The following SORCS1 variants were observed in gnomAD, a reference collection of about 807,000 sequenced individuals.
The protein encoded by SORCS1 is VPS10 domain-containing receptor SorCS1.
SORCS1 carries 60 observed loss-of-function variants against 146.1 expected under a neutral mutation model. The ratio of observed to expected loss-of-function variants is 0.41; its 90% CI spans 0.33 to 0.51. SORCS1 has a LOEUF of 0.51. Ranked by LOEUF, SORCS1 falls within the 20% of genes least tolerant of loss-of-function variation. SORCS1 has a pLI of 0.21. For synonymous variants in SORCS1, 637 were observed against 584.0 expected (o/e 1.09, Z -1.31); for missense variants, 1,352 against 1,487.6 (o/e 0.91, Z 1.50).
At chr10:106,602,968 C>A (rs1161330927) in intron 23 of SORCS1, among the ~76,000 whole-genome samples, 1 of 152,150 alleles carries the variant, frequency 6.6e-6, no homozygotes, top group African/African-American at 2.4e-5. Flanking sequence ...CATCTGCCAA[C>A]CGTGTAGAGT....
chr10:106,581,137 G>A (rs1036849417), intron 24 of SORCS1, among the ~76,000 whole-genome samples: 1 of 152,138 alleles, frequency 6.6e-6, no homozygotes, highest in Non-Finnish European at 1.5e-5. Flanking sequence ...ATGTCATCAG[G>A]GGAAGAGAAC....
chr10:107,102,905 G>A (rs943579657), intron 1 of SORCS1, among the ~76,000 whole-genome samples: 3 of 152,048 alleles, frequency 2.0e-5, no homozygotes, highest in African/African-American at 4.8e-5. Context: ...CCCTACTGAG[G>A]AGTCACAAAA....
intron 1 of SORCS1, among the ~76,000 whole-genome samples, chr10:106,992,292 G>A (rs1017204401): frequency 6.6e-6 from 1 of 152,126 alleles, no homozygotes; most frequent in Non-Finnish European, 1.5e-5. Flanking sequence ...TGAGAATGAG[G>A]AAGTGGAGTG....
At chr10:106,599,403 G>A (rs1163585433) in intron 23 of SORCS1, among the ~76,000 whole-genome samples, 1 of 151,460 alleles carries the variant, frequency 6.6e-6, no homozygotes, top group African/African-American at 2.4e-5. Context: ...GGAGAAGGAA[G>A]GGGAGGGGAA....
intron 1 of SORCS1, among the ~76,000 whole-genome samples, chr10:107,062,746 C>T (rs567557511): frequency 5.3e-5 from 8 of 152,262 alleles, no homozygotes; most frequent in South Asian, 2.1e-4. Context: ...TTTCCTCTTA[C>T]GTCAGTATCT....
chr10:106,946,144 A>T (rs1053755144), intron 2 of SORCS1, among the ~76,000 whole-genome samples: 1 of 152,248 alleles, frequency 6.6e-6, no homozygotes, highest in African/African-American at 2.4e-5. Flanking sequence ...TTAAAAATTT[A>T]GGATAGAAAC....
At chr10:107,043,578 C>T (rs1033498787) in intron 1 of SORCS1, among the ~76,000 whole-genome samples, 1 of 152,058 alleles carries the variant, frequency 6.6e-6, no homozygotes, top group South Asian at 2.1e-4. Flanking sequence ...TTCTGGTGCG[C>T]TCCTTCCCTT....
intron 2 of SORCS1, among the ~76,000 whole-genome samples, chr10:106,936,230 C>A (rs891980736): frequency 6.6e-6 from 1 of 152,150 alleles, no homozygotes; most frequent in Non-Finnish European, 1.5e-5. Context: ...TTCCTGTTTC[C>A]ATTTACATCC....
intron 2 of SORCS1, among the ~76,000 whole-genome samples, chr10:106,863,809 T>C (rs1950118862): frequency 6.6e-6 from 1 of 151,144 alleles, no homozygotes; most frequent in South Asian, 2.1e-4. Flanking sequence ...CCTTCAGATT[T>C]TCCTTAAAAA....
intron 1 of SORCS1, among the ~76,000 whole-genome samples, chr10:107,056,412 A>G (rs1418359971): frequency 6.6e-6 from 1 of 152,204 alleles, no homozygotes; most frequent in African/African-American, 2.4e-5. Flanking sequence ...CATGTGCAAG[A>G]CATAGATATA....
At chr10:106,805,750 C>T (rs7392818) in intron 3 of SORCS1, among the ~76,000 whole-genome samples, 65,710 of 151,724 alleles carry the variant, frequency 0.43, 14,242 homozygotes, top group African/African-American at 0.46. Flanking sequence ...CATAATGATG[C>T]AAAGGAAATA....
At position 106,576,645 on chromosome 10, in the gene SORCS1, C is replaced by G. The variant is rs1197178706; in HGVS notation, c.*775G>C. The stretch of plus-strand genomic sequence containing the variant: ...CCTTATTCTACCGGCACAAAGGGAT[C>G]TTCAACTCGCATCTTTGTTCCTGTG... On this transcript the variant is annotated 3_prime_UTR_variant, in exon 26 of 26. Coordinates refer to ENST00000263054, the MANE Select transcript of SORCS1 (RefSeq NM_052918.5). 1 of 152,244 alleles carries G rather than the reference C, an allele frequency of 6.6e-6. No individual in the cohort carries two copies. Among genetic ancestry groups the G allele is most frequent in the Non-Finnish European group, 1.5e-5 (1 of 68,112 alleles). The allele number at this position is 152,244 out of a possible 1,614,324, so 9.4% of individuals were successfully genotyped here.
intron 1 of SORCS1, among the ~76,000 whole-genome samples, chr10:106,981,376 CTCT>C (rs1956240255): frequency 6.6e-6 from 1 of 152,136 alleles, no homozygotes; most frequent in East Asian, 1.9e-4. Flanking sequence ...TTGCACCTGG[CTCT>C]TTTTTGAGGT....
At chr10:106,779,098 A>G (rs1019468244) in intron 3 of SORCS1, among the ~76,000 whole-genome samples, 65 of 151,894 alleles carry the variant, frequency 4.3e-4, no homozygotes, top group Non-Finnish European at 4.4e-4. Context: ...AAATAAAGCG[A>G]CTCGTATCTT....
intron 1 of SORCS1, among the ~76,000 whole-genome samples, chr10:107,059,019 C>T (rs1177361726): frequency 2.0e-5 from 3 of 152,126 alleles, no homozygotes; most frequent in African/African-American, 7.2e-5. Context: ...AAAACTCTTC[C>T]CTATAATGCA....
At chr10:106,955,888 A>T (rs822088) in intron 2 of SORCS1, among the ~76,000 whole-genome samples, 1 of 151,434 alleles carries the variant, frequency 6.6e-6, no homozygotes, top group African/African-American at 2.4e-5. Flanking sequence ...ACCGTTTTGG[A>T]TGGCTGAGGC....
At chr10:106,793,283 G>A (rs1237017391) in intron 3 of SORCS1, among the ~76,000 whole-genome samples, 1 of 152,160 alleles carries the variant, frequency 6.6e-6, no homozygotes, top group Admixed American at 6.5e-5. Context: ...GGAAAGATTC[G>A]TGACAGGGGA....
At chr10:106,758,744 G>C (rs777758694) in intron 5 of SORCS1, among the ~76,000 whole-genome samples, 2 of 152,170 alleles carry the variant, frequency 1.3e-5, no homozygotes, top group African/African-American at 2.4e-5. Flanking sequence ...TAGTAAGAGA[G>C]GGAGAAAAAA....
intron 16 of SORCS1, among the ~76,000 whole-genome samples, chr10:106,669,193 C>G (rs1267900160): frequency 1.3e-5 from 2 of 151,964 alleles, no homozygotes; most frequent in African/African-American, 4.8e-5. Context: ...AATTGCCTTC[C>G]TTATCTGGTA....
Sources: gnomAD v4.1 joint callset for allele counts (sites outside exome capture counted in the v4.1 genomes callset) on GRCh38, gnomAD v4.1.1 for gene constraint, MANE v1.5 for transcripts, NCBI Gene and HGNC (gene_info 2026-07-23, HGNC 2026-07-21) for gene names.